The following NBAS variants were observed in gnomAD, a reference collection of about 807,000 sequenced individuals.
NBAS encodes the protein NAG/BC035112 fusion.
A neutral mutation model predicts 302.5 loss-of-function variants in NBAS; 219 were observed. The ratio of observed to expected loss-of-function variants is 0.72; its 90% CI spans 0.65 to 0.81. NBAS has a LOEUF of 0.81. Ranked by LOEUF, NBAS falls within the 30% of genes least tolerant of loss-of-function variation. The pLI is 0.00. For missense variants in NBAS, 2,932 were observed against 2,841.6 expected (o/e 1.03, Z -0.72); for synonymous variants, 1,118 against 1,021.6 (o/e 1.09, Z -1.80).
At chr2:14,866,098 T>C in the NBAS span, among the ~76,000 whole-genome samples, 2 of 152,208 alleles carry the variant, frequency 1.3e-5, no homozygotes, top group South Asian at 4.1e-4. Flanking sequence ...GAGACTGACA[T>C]CTATTAGTTC....
chr2:14,852,903 C>A, the NBAS span, among the ~76,000 whole-genome samples: 49 of 133,474 alleles, frequency 3.7e-4, no homozygotes, highest in African/African-American at 1.4e-3. Flanking sequence ...CTTCCTTACA[C>A]CTTATACAAA....
chr2:15,406,116 C>CA (rs772651880), intron 25 of NBAS, among the ~76,000 whole-genome samples: 4 of 134,528 alleles, frequency 3.0e-5, no homozygotes, highest in Admixed American at 1.5e-4. Flanking sequence ...AAAAAAAAAA[C>CA]AAAACAAAAA....
At chr2:15,480,773 G>C (rs1366387633) in intron 12 of NBAS, among the ~76,000 whole-genome samples, 2 of 152,094 alleles carry the variant, frequency 1.3e-5, no homozygotes, top group Non-Finnish European at 2.9e-5. Context: ...CTTGATTTTT[G>C]TTTGTTTGGG....
downstream of NBAS, among the ~76,000 whole-genome samples, chr2:15,165,286 T>C (rs1663988695): frequency 6.6e-6 from 1 of 152,218 alleles, no homozygotes; most frequent in Non-Finnish European, 1.5e-5. Flanking sequence ...ATCAGAGCTC[T>C]AGGAAGCTTT....
chr2:15,300,893 G>A (rs1346234295), intron 40 of NBAS, among the ~76,000 whole-genome samples: 1 of 152,176 alleles, frequency 6.6e-6, no homozygotes. Context: ...TGGGGAACTG[G>A]ATCTGCATGT....
At chr2:14,937,998 C>T in the NBAS span, among the ~76,000 whole-genome samples, 212 of 152,062 alleles carry the variant, frequency 1.4e-3, no homozygotes, top group African/African-American at 4.2e-3. Context: ...CATGGTGGTA[C>T]GCACATGTAA....
intron 44 of NBAS, among the ~76,000 whole-genome samples, chr2:15,241,643 A>G (rs1471342706): frequency 1.8e-4 from 27 of 152,342 alleles, no homozygotes; most frequent in Non-Finnish European, 1.9e-4. Context: ...CAATATGTAA[A>G]ACAGTCAGCA....
the NBAS span, among the ~76,000 whole-genome samples, chr2:14,930,204 A>G: frequency 2.6e-5 from 4 of 152,286 alleles, no homozygotes; most frequent in South Asian, 4.1e-4. Context: ...TTTTCCTCCT[A>G]TTCCTGTCCT....
chr2:15,536,383 T>C, intron 8 of NBAS, 35 bp downstream of exon 8: 1 of 1,604,390 alleles, frequency 6.2e-7, no homozygotes. Flanking sequence ...GAAATAAACA[T>C]TATTTCAAAT....
At chr2:14,881,349 G>A in the NBAS span, among the ~76,000 whole-genome samples, 1 of 152,134 alleles carries the variant, frequency 6.6e-6, no homozygotes, top group African/African-American at 2.4e-5. Context: ...AACAGACACT[G>A]GGAACTCCAA....
the NBAS span, among the ~76,000 whole-genome samples, chr2:14,994,293 C>T: frequency 4.7e-4 from 71 of 152,304 alleles, 1 homozygote; most frequent in South Asian, 0.013. Flanking sequence ...AAGCTTCAAC[C>T]ATTGAGAGAT....
At chr2:14,962,962 CTG>C in the NBAS span, among the ~76,000 whole-genome samples, 4 of 151,892 alleles carry the variant, frequency 2.6e-5, no homozygotes, top group Admixed American at 1.3e-4. Context: ...AAACAAAAAA[CTG>C]TTTTTTAAAA....
chr2:15,256,275 G>A (rs1035265646), intron 44 of NBAS, among the ~76,000 whole-genome samples: 6 of 151,838 alleles, frequency 4.0e-5, no homozygotes, highest in Non-Finnish European at 8.8e-5. Context: ...TCACCTCCTT[G>A]CTTATATTCC....
intron 9 of NBAS, among the ~76,000 whole-genome samples, chr2:15,533,131 G>A (rs752348213): frequency 6.6e-6 from 1 of 152,042 alleles, no homozygotes; most frequent in African/African-American, 2.4e-5. Flanking sequence ...GAGCACTAAC[G>A]AGAATGTGAA....
intron 21 of NBAS, among the ~76,000 whole-genome samples, chr2:15,460,567 A>G (rs1679460921): frequency 6.6e-6 from 1 of 152,186 alleles, no homozygotes; most frequent in African/African-American, 2.4e-5. Flanking sequence ...ATGCAGTGAG[A>G]CAAATGTACT....
At chr2:15,114,222 A>G in the NBAS span, among the ~76,000 whole-genome samples, 2 of 152,166 alleles carry the variant, frequency 1.3e-5, no homozygotes, top group African/African-American at 2.4e-5. Flanking sequence ...TGGCTTAAAC[A>G]ACAGAAATGT....
chr2:15,015,372 A>G, the NBAS span, among the ~76,000 whole-genome samples: 35 of 152,238 alleles, frequency 2.3e-4, no homozygotes, highest in African/African-American at 7.9e-4. Flanking sequence ...TGATGAACAA[A>G]GATGCAAAAA....
At chr2:14,944,335 A>AAAACAAAG in the NBAS span, among the ~76,000 whole-genome samples, 18 of 152,108 alleles carry the variant, frequency 1.2e-4, no homozygotes, top group African/African-American at 4.1e-4. Context: ...AAAAAACAAA[A>AAAACAAAG]AACTGCTAAT....
intron 51 of NBAS, among the ~76,000 whole-genome samples, 199 bp downstream of exon 51, chr2:15,178,789 G>A (rs1302159515): frequency 1.3e-5 from 2 of 152,060 alleles, no homozygotes; most frequent in Non-Finnish European, 2.9e-5. Flanking sequence ...TCTGGTTCAC[G>A]GGAAGAGCTT....
Sources: allele counts gnomAD v4.1 joint callset (sites outside exome capture counted in the v4.1 genomes callset), GRCh38; gene constraint gnomAD v4.1.1; transcripts MANE v1.5; gene names NCBI Gene and HGNC (gene_info 2026-07-23, HGNC 2026-07-21).